The following ADGRB3 variants were observed in gnomAD, a reference collection of about 807,000 sequenced individuals.
The protein encoded by ADGRB3 is adhesion G protein-coupled receptor B3.
In ADGRB3, 37 loss-of-function variants were observed where a neutral mutation model predicts 193.4. The ratio of observed to expected loss-of-function variants is 0.19; its 90% CI spans 0.15 to 0.25. The LOEUF is 0.25. ADGRB3 is among the 10% of genes least tolerant of loss of function. The pLI is 1.00. For missense variants in ADGRB3, 1,637 were observed against 1,852.9 expected, an observed-to-expected ratio of 0.88 and a Z score of 2.14; for synonymous variants, 690 against 644.2, an observed-to-expected ratio of 1.07 and a Z score of -1.08.
intron 20 of ADGRB3, among the ~76,000 whole-genome samples, chr6:69,247,565 T>A (rs955186383): frequency 1.3e-5 from 2 of 152,168 alleles, no homozygotes; most frequent in African/African-American, 4.8e-5. Context: ...TATGAAACCA[T>A]TTTAGCTCCT....
At chr6:69,122,856 T>C (rs917831148) in intron 17 of ADGRB3, among the ~76,000 whole-genome samples, 1 of 152,014 alleles carries the variant, frequency 6.6e-6, no homozygotes, top group Non-Finnish European at 1.5e-5. Flanking sequence ...ATACAACTTA[T>C]TCTGTGACCT....
chr6:68,827,248 G>A (rs1767862098), intron 3 of ADGRB3, among the ~76,000 whole-genome samples: 1 of 151,994 alleles, frequency 6.6e-6, no homozygotes, highest in South Asian at 2.1e-4. Context: ...ATTATGGAGT[G>A]ATCAAGTGCC....
chr6:69,339,204 C>T, intron 25 of ADGRB3, 129 bp from the exon 26 acceptor site: 1 of 1,221,942 alleles, frequency 8.2e-7, no homozygotes, highest in Non-Finnish European at 1.1e-6. Context: ...TCTCAAATGT[C>T]ATCTGCTTTG....
intron 3 of ADGRB3, among the ~76,000 whole-genome samples, chr6:68,912,328 A>G (rs13195122): frequency 0.1 from 15,128 of 151,482 alleles, 836 homozygotes; most frequent in Middle Eastern, 0.14. Context: ...TTAATAATGT[A>G]TATTCATCTT....
At chr6:69,168,553 A>G (rs1775189036) in intron 17 of ADGRB3, among the ~76,000 whole-genome samples, 1 of 152,130 alleles carries the variant, frequency 6.6e-6, no homozygotes, top group Non-Finnish European at 1.5e-5. Flanking sequence ...CATAATTTGC[A>G]GTAGCATTTA....
chr6:68,791,524 T>A (rs914725005), intron 3 of ADGRB3, among the ~76,000 whole-genome samples: 1 of 152,082 alleles, frequency 6.6e-6, no homozygotes, highest in African/African-American at 2.4e-5. Context: ...GAAAAAAAAA[T>A]TCGGTGCTGG....
intron 13 of ADGRB3, among the ~76,000 whole-genome samples, chr6:69,027,472 T>C (rs1028286052): frequency 6.6e-6 from 1 of 152,174 alleles, no homozygotes; most frequent in Non-Finnish European, 1.5e-5. Flanking sequence ...CCTAAAATAA[T>C]GGTAAAATGT....
At chr6:68,816,588 A>G (rs1207327567) in intron 3 of ADGRB3, among the ~76,000 whole-genome samples, 1 of 152,016 alleles carries the variant, frequency 6.6e-6, no homozygotes, top group Non-Finnish European at 1.5e-5. Context: ...TTTCTAATAG[A>G]TGTTTGATTC....
At chr6:69,377,269 G>A (rs996459838) in intron 30 of ADGRB3, among the ~76,000 whole-genome samples, 3 of 152,032 alleles carry the variant, frequency 2.0e-5, no homozygotes, top group Non-Finnish European at 4.4e-5. Context: ...TTTGAACTAA[G>A]AACATTGAAA....
intron 6 of ADGRB3, among the ~76,000 whole-genome samples, chr6:68,947,825 G>A (rs1407650791): frequency 6.6e-6 from 1 of 152,122 alleles, no homozygotes; most frequent in East Asian, 1.9e-4. Context: ...TACTGTGAAA[G>A]TATTAGAAGT....
chr6:68,917,512 A>G (rs1302773155), intron 3 of ADGRB3, among the ~76,000 whole-genome samples: 2 of 152,110 alleles, frequency 1.3e-5, no homozygotes, highest in African/African-American at 4.8e-5. Context: ...TCTTGTTTCA[A>G]GTTAAAAAAT....
At chr6:69,162,013 A>G (rs1775003664) in intron 17 of ADGRB3, among the ~76,000 whole-genome samples, 1 of 152,132 alleles carries the variant, frequency 6.6e-6, no homozygotes, top group Admixed American at 6.6e-5. Flanking sequence ...AAGTAAATCA[A>G]TAAATCCAGA....
At chr6:69,272,341 C>T (rs73469393) in intron 20 of ADGRB3, among the ~76,000 whole-genome samples, 7 of 151,996 alleles carry the variant, frequency 4.6e-5, no homozygotes, top group African/African-American at 1.2e-4. Context: ...AATGCAGTGT[C>T]GTGGTTATTG....
chr6:69,126,410 G>A (rs1035572992), intron 17 of ADGRB3, among the ~76,000 whole-genome samples: 1 of 152,114 alleles, frequency 6.6e-6, no homozygotes, highest in African/African-American at 2.4e-5. Context: ...CAAGCCCAAC[G>A]GCCTCAGAAC....
At chr6:69,175,992 A>G (rs1402259186) in intron 17 of ADGRB3, among the ~76,000 whole-genome samples, 3 of 152,226 alleles carry the variant, frequency 2.0e-5, no homozygotes, top group Non-Finnish European at 4.4e-5. Context: ...TTGATTTTGT[A>G]TCTAGAAACT....
At chr6:68,707,958 A>G (rs1334167635) in intron 3 of ADGRB3, among the ~76,000 whole-genome samples, 1 of 152,196 alleles carries the variant, frequency 6.6e-6, no homozygotes, top group African/African-American at 2.4e-5. Flanking sequence ...GGCTAAGCAG[A>G]GACACAAGAA....
chr6:68,768,403 GAT>G (rs1766553056), intron 3 of ADGRB3, among the ~76,000 whole-genome samples: 1 of 152,120 alleles, frequency 6.6e-6, no homozygotes, highest in Non-Finnish European at 1.5e-5. Flanking sequence ...ACAACCATCT[GAT>G]CTTTGACAAA....
chr6:68,904,060 AAGGAGG>A (rs1766472936), intron 3 of ADGRB3, among the ~76,000 whole-genome samples: 1 of 124,038 alleles, frequency 8.1e-6, no homozygotes, highest in African/African-American at 3.0e-5. Context: ...GGAAGGAGGG[AAGGAGG>A]GAAGGAGGGA....
chr6:69,060,840 A>G (rs1582430868), intron 15 of ADGRB3, among the ~76,000 whole-genome samples: 2 of 152,030 alleles, frequency 1.3e-5, no homozygotes, highest in African/African-American at 2.4e-5. Context: ...CCCTAACTCT[A>G]AGCTGTATAC....
Sources: gnomAD v4.1 joint callset for allele counts (sites outside exome capture counted in the v4.1 genomes callset) on GRCh38, gnomAD v4.1.1 for gene constraint, MANE v1.5 for transcripts, NCBI Gene and HGNC (gene_info 2026-07-23, HGNC 2026-07-21) for gene names.